The following PATJ variants were observed in gnomAD, a reference collection of about 807,000 sequenced individuals.
The protein encoded by PATJ is PATJ crumbs cell polarity complex component, also known as inaD-like protein.
PATJ carries 190 observed loss-of-function variants against 224.9 expected under a neutral mutation model. The observed-to-expected ratio is 0.84, with a 90% confidence interval of 0.75 to 0.95. The LOEUF (loss-of-function observed/expected upper bound fraction) is 0.95. Ranked by LOEUF, PATJ falls within the 40% of genes least tolerant of loss-of-function variation. The pLI is 0.00. For missense variants in PATJ, 2,121 were observed against 2,270.3 expected, an observed-to-expected ratio of 0.93 and a Z score of 1.34; for synonymous variants, 769 against 820.3, an observed-to-expected ratio of 0.94 and a Z score of 1.07.
intron 25 of PATJ, among the ~76,000 whole-genome samples, chr1:61,909,838 G>A (rs1391969331): frequency 6.6e-6 from 1 of 152,192 alleles, no homozygotes; most frequent in Non-Finnish European, 1.5e-5. Flanking sequence ...AGTGGTGGGG[G>A]CATTGATGGA....
In PATJ at chr1:61,857,906, A is replaced by AT. The variant is rs549826271; in HGVS notation, c.2322+1674dup. Among the ~76,000 whole-genome samples, 55 of 152,270 alleles carry AT rather than the reference A, an allele frequency of 3.6e-4. 1 individual carries two copies. The South Asian group carries it at 0.011, about 29-fold the overall frequency. On this transcript the variant is annotated intron_variant, in intron 18 of 43. Transcript: ENST00000642238. ...AATAAGACTAGAGAATTCCGAAGGT[A>AT]TTTTTTTAACTCCAATTCTTTAATG...
At chr1:61,887,028 C>A in intron 22 of PATJ, among the ~76,000 whole-genome samples, 1 of 150,078 alleles carries the variant, frequency 6.7e-6, no homozygotes, top group Non-Finnish European at 1.5e-5. Context: ...ATTAATGTAT[C>A]AAGGCAATGG....
chr1:62,107,126 G>A (rs2481682), intron 33 of PATJ, among the ~76,000 whole-genome samples: 8,509 of 152,060 alleles, frequency 0.056, 330 homozygotes, highest in Non-Finnish European at 0.081. Context: ...CTAACACGGT[G>A]AAACCCCGTC....
intron 33 of PATJ, among the ~76,000 whole-genome samples, chr1:62,095,341 T>A (rs946930482): frequency 6.6e-6 from 1 of 152,178 alleles, no homozygotes; most frequent in Non-Finnish European, 1.5e-5. Context: ...TTCTCATGAA[T>A]CAATGAGGTG....
At chr1:61,948,765 G>A (rs183889633) in intron 27 of PATJ, among the ~76,000 whole-genome samples, 1 of 152,026 alleles carries the variant, frequency 6.6e-6, no homozygotes, top group Non-Finnish European at 1.5e-5. Context: ...ACTTGTACAC[G>A]TATGTTTATT....
In PATJ at chr1:61,871,407, A is replaced by ATATATG. The variant is rs1553185900; in HGVS notation, c.2836-3831_2836-3830insGTATAT. Among the ~76,000 whole-genome samples the ATATATG allele has an allele frequency of 2.2e-4, 25 of 114,590 alleles. No homozygotes were observed. The South Asian group carries it at 5.6e-3, about 26-fold the overall frequency. The allele number at this position is 114,590 out of a possible 152,430, so 75.2% of individuals were successfully genotyped here. ...TTTGTGTATATATATATATGTGTAT[A>ATATATG]TATATACATATATATGTACATATAT... On this transcript the variant is annotated intron_variant, in intron 20 of 43. Transcript: ENST00000642238.
At chr1:61,768,575 AT>A (rs1646426117) in intron 4 of PATJ, among the ~76,000 whole-genome samples, 1 of 152,110 alleles carries the variant, frequency 6.6e-6, no homozygotes, top group Non-Finnish European at 1.5e-5. Flanking sequence ...AAATACTGGC[AT>A]TTTTGATATA....
chr1:61,810,849 G>T (rs1045794148), intron 14 of PATJ, among the ~76,000 whole-genome samples: 2 of 151,828 alleles, frequency 1.3e-5, no homozygotes, highest in Non-Finnish European at 2.9e-5. Context: ...ACTTGAACCC[G>T]GGAGGCGGAT....
chr1:62,040,311 GT>G (rs1329391646), intron 30 of PATJ, among the ~76,000 whole-genome samples: 1 of 151,934 alleles, frequency 6.6e-6, no homozygotes. Context: ...GTTTCACCAT[GT>G]TGGCCAGGCT....
intron 43 of PATJ, among the ~76,000 whole-genome samples, chr1:62,154,261 A>G (rs1434186819): frequency 1.3e-5 from 2 of 151,974 alleles, no homozygotes; most frequent in Non-Finnish European, 2.9e-5. Flanking sequence ...AATTTTGAAG[A>G]TCTCTGAGAA....
chr1:62,050,164 A>AT lies in PATJ; in HGVS notation c.4033-796dup, dbSNP rs1653337546. 2.7e-5 allele frequency among the ~76,000 whole-genome samples: 4 copies of AT among 148,818 alleles called. No individual in the cohort carries two copies. The East Asian group carries it at 7.7e-4, about 29-fold the overall frequency. ...TTCATTTATTAAATTTTAAAGAAAC[A>AT]TTTTTTATTAAATAAAAAAAATAAA... On this transcript the variant is annotated intron_variant, in intron 30 of 43. Transcript: ENST00000642238.
At chr1:62,022,493 C>T (rs180912403) in intron 29 of PATJ, among the ~76,000 whole-genome samples, 44 of 152,218 alleles carry the variant, frequency 2.9e-4, no homozygotes, top group African/African-American at 6.5e-4. Flanking sequence ...TGTGGGTTTT[C>T]GTGTTTGGCA....
intron 7 of PATJ, among the ~76,000 whole-genome samples, chr1:61,784,320 A>G (rs1364490018): frequency 6.6e-6 from 1 of 152,246 alleles, no homozygotes; most frequent in Non-Finnish European, 1.5e-5. Flanking sequence ...TTCCTCACAC[A>G]GAAGACAGGT....
intron 24 of PATJ, among the ~76,000 whole-genome samples, chr1:61,902,308 G>A (rs2149170521): frequency 6.6e-6 from 1 of 151,506 alleles, no homozygotes; most frequent in East Asian, 2.0e-4. Flanking sequence ...GGGTTAATTG[G>A]GTGACACCAT....
intron 12 of PATJ, among the ~76,000 whole-genome samples, chr1:61,802,346 G>A (rs1176891353): frequency 2.0e-5 from 3 of 152,212 alleles, no homozygotes. Flanking sequence ...GCCCACCTGG[G>A]CCTCCCAAAG....
At chr1:61,920,894 TG>T (rs1674222645) in intron 26 of PATJ, among the ~76,000 whole-genome samples, 1 of 151,706 alleles carries the variant, frequency 6.6e-6, no homozygotes, top group Admixed American at 6.6e-5. Context: ...TTGGTAGAGA[TG>T]GGGTTTCACC....
chr1:61,855,534 C>G (rs1371994955), intron 17 of PATJ, among the ~76,000 whole-genome samples: 1 of 152,038 alleles, frequency 6.6e-6, no homozygotes, highest in Non-Finnish European at 1.5e-5. Flanking sequence ...CCCTGCTCCA[C>G]CTCCCTGGTA....
chr1:62,161,326 GATTTCT>G lies in PATJ; in HGVS notation c.*273_*278del, dbSNP rs377304163. On this transcript the variant is annotated 3_prime_UTR_variant, in exon 44 of 44. Coordinates refer to ENST00000642238, the MANE Select transcript of PATJ (RefSeq NM_001350145.3). ...GTTTTGCATTTAATTTCAGTGTTCCGATTTCTTTTTTTTTTTTTTTTTTTTTTTTTG... is the reference window on the plus strand; with the variant it reads ...GTTTTGCATTTAATTTCAGTGTTCCGTTTTTTTTTTTTTTTTTTTTTTTTG... 1.9e-4 allele frequency: 41 copies of G among 215,132 alleles called. No homozygotes were observed. The highest frequency in any genetic ancestry group is 8.0e-4 in the African/African-American group (30 of 37,724). 13.3% of individuals were successfully genotyped at this position (215,132 alleles called of 1,614,324 possible). A position where few individuals can be genotyped will look rare whatever the true frequency, so the allele number is the denominator to read the frequency against.
At chr1:62,003,677 T>G (rs1196555771) in intron 28 of PATJ, among the ~76,000 whole-genome samples, 1 of 152,210 alleles carries the variant, frequency 6.6e-6, no homozygotes, top group Non-Finnish European at 1.5e-5. Flanking sequence ...GATAATTTAT[T>G]CAGAAGTCTT....
Sources: allele counts gnomAD v4.1 joint callset (sites outside exome capture counted in the v4.1 genomes callset), GRCh38; gene constraint gnomAD v4.1.1; transcripts MANE v1.5; gene names NCBI Gene and HGNC (gene_info 2026-07-23, HGNC 2026-07-21).